NCKAP5: variants seen among roughly 807,000 people sequenced by gnomAD.
NCKAP5 encodes NCK associated protein 5.
In NCKAP5, 92 loss-of-function variants were observed where a neutral mutation model predicts 167.0. The observed-to-expected ratio is 0.55, with a 90% confidence interval of 0.47 to 0.66. The LOEUF (loss-of-function observed/expected upper bound fraction) is 0.66. NCKAP5 is among the 30% of genes least tolerant of loss of function. NCKAP5 has a pLI of 0.00. For missense variants in NCKAP5, 2,378 were observed against 2,315.0 expected, an observed-to-expected ratio of 1.03 and a Z score of -0.56; for synonymous variants, 891 against 877.4, an observed-to-expected ratio of 1.02 and a Z score of -0.27.
chr2:133,662,988 C>G, the NCKAP5 span, among the ~76,000 whole-genome samples: 1 of 151,930 alleles, frequency 6.6e-6, no homozygotes. Context: ...ATGCCGGGGC[C>G]GGGCGCGGTG....
chr2:133,628,723 T>G, the NCKAP5 span, among the ~76,000 whole-genome samples: 1 of 152,182 alleles, frequency 6.6e-6, no homozygotes, highest in African/African-American at 2.4e-5. Context: ...GGCATCAAAC[T>G]ACCTGACTTC....
chr2:133,611,775 T>C, the NCKAP5 span, among the ~76,000 whole-genome samples: 1 of 152,194 alleles, frequency 6.6e-6, no homozygotes, highest in Non-Finnish European at 1.5e-5. Flanking sequence ...CTCTCCCCTA[T>C]TAAACCCCCT....
intron 3 of NCKAP5, among the ~76,000 whole-genome samples, chr2:133,368,878 A>T (rs1335156509): frequency 6.6e-6 from 1 of 152,220 alleles, no homozygotes; most frequent in Non-Finnish European, 1.5e-5. Flanking sequence ...AATTCAGAGG[A>T]GTAGAAGATA....
At chr2:133,640,482 G>T in the NCKAP5 span, among the ~76,000 whole-genome samples, 1 of 152,126 alleles carries the variant, frequency 6.6e-6, no homozygotes, top group Non-Finnish European at 1.5e-5. Context: ...AATGACATCT[G>T]GACTAGGGAG....
intron 5 of NCKAP5, among the ~76,000 whole-genome samples, chr2:133,135,590 A>C (rs71413538): frequency 6.6e-6 from 1 of 152,044 alleles, no homozygotes; most frequent in South Asian, 2.1e-4. Context: ...ATAGAATGGG[A>C]AAACATTTAT....
At chr2:133,326,422 A>T (rs111770949) in intron 3 of NCKAP5, among the ~76,000 whole-genome samples, 2,426 of 144,526 alleles carry the variant, frequency 0.017, 77 homozygotes, top group African/African-American at 0.06. Flanking sequence ...CCACTACTGC[A>T]CTCCAGCCTG....
chr2:133,314,131 C>G (rs538305365), intron 3 of NCKAP5, among the ~76,000 whole-genome samples: 8 of 152,158 alleles, frequency 5.3e-5, no homozygotes, highest in Non-Finnish European at 7.3e-5. Flanking sequence ...TCTCCCATTA[C>G]TCCCCAAAGC....
the NCKAP5 span, among the ~76,000 whole-genome samples, chr2:133,616,322 AG>A: frequency 6.6e-5 from 10 of 151,698 alleles, no homozygotes; most frequent in Non-Finnish European, 1.0e-4. Flanking sequence ...TGAAGGAAAT[AG>A]AGACACAAAA....
the NCKAP5 span, among the ~76,000 whole-genome samples, chr2:133,629,448 C>A: frequency 6.6e-6 from 1 of 152,100 alleles, no homozygotes; most frequent in African/African-American, 2.4e-5. Flanking sequence ...TCATGCCAGT[C>A]AGAATGGTGA....
chr2:132,875,746 C>T (rs1374741), intron 9 of NCKAP5, among the ~76,000 whole-genome samples: 1 of 152,108 alleles, frequency 6.6e-6, no homozygotes, highest in African/African-American at 2.4e-5. Flanking sequence ...TTCTAACATG[C>T]AAACCTCCAA....
intron 16 of NCKAP5, among the ~76,000 whole-genome samples, chr2:132,773,541 A>T (rs997305457): frequency 6.6e-6 from 1 of 152,226 alleles, no homozygotes; most frequent in Non-Finnish European, 1.5e-5. Context: ...TAGAAACTGG[A>T]TTACTCAGTA....
rs1688698085 is a variant in NCKAP5, at chr2:133,568,113, G to A, written c.-130+103C>T. The stretch of plus-strand genomic sequence containing the variant: ...TTGCTGTGACAGCCGAAAGAGCCTG[G>A]AGAAATATGTAAACATCATCATCTC... On this transcript the variant is annotated intron_variant, in intron 1 of 19. Coordinates refer to ENST00000409261, the MANE Select transcript of NCKAP5 (RefSeq NM_207363.3). 5 of 152,038 alleles carry A rather than the reference G, an allele frequency of 3.3e-5. 1 individual carries two copies. In the South Asian group the frequency reaches 1.0e-3, roughly 32 times the overall value. The allele number at this position is 152,038 out of a possible 1,614,324, so 9.4% of individuals were successfully genotyped here. A position where few individuals can be genotyped will look rare whatever the true frequency, so the allele number is the denominator to read the frequency against.
intron 6 of NCKAP5, among the ~76,000 whole-genome samples, chr2:133,115,839 C>CACACACACACACACAT (rs2082063421): frequency 6.8e-6 from 1 of 146,014 alleles, no homozygotes; most frequent in Admixed American, 6.9e-5. Context: ...CACACACACA[C>CACACACACACACACAT]ACACGCCCTT....
At chr2:133,208,631 G>GA (rs1574384953) in intron 5 of NCKAP5, among the ~76,000 whole-genome samples, 1 of 152,136 alleles carries the variant, frequency 6.6e-6, no homozygotes, top group East Asian at 1.9e-4. Flanking sequence ...TCCTGGAGCA[G>GA]AAAAAGGACA....
intron 3 of NCKAP5, among the ~76,000 whole-genome samples, chr2:133,464,833 T>C (rs982254319): frequency 4.5e-4 from 69 of 151,894 alleles, no homozygotes; most frequent in African/African-American, 1.5e-3. Flanking sequence ...AGACTTCAAC[T>C]TAAGAAGAGA....
At chr2:132,807,465 GC>G (rs1685528090) in intron 11 of NCKAP5, among the ~76,000 whole-genome samples, 1 of 151,956 alleles carries the variant, frequency 6.6e-6, no homozygotes, top group Non-Finnish European at 1.5e-5. Context: ...CCTTGTAGAG[GC>G]CTTTTGACCC....
intron 4 of NCKAP5, among the ~76,000 whole-genome samples, chr2:133,294,570 A>C (rs981502697): frequency 1.3e-5 from 2 of 152,230 alleles, no homozygotes; most frequent in African/African-American, 4.8e-5. Context: ...CTCTCTCTCA[A>C]TTTAGAGCTG....
At position 133,128,738 on chromosome 2, in the gene NCKAP5, C is replaced by T. The variant is rs141642007; in HGVS notation, c.341+1240G>A. On this transcript the variant is annotated intron_variant, in intron 6 of 19. Coordinates refer to ENST00000409261, the MANE Select transcript of NCKAP5 (RefSeq NM_207363.3). ...TCAGCCTCCCGAGTAGCTGGGAATA[C>T]AGGCACCTGCCATCATGCCCGGCTA... Among the ~76,000 whole-genome samples, 877 of 152,192 alleles carry T rather than the reference C, an allele frequency of 5.8e-3. 14 individuals are homozygous for T. The highest frequency in any genetic ancestry group is 0.018 in the East Asian group (92 of 5,172).
intron 6 of NCKAP5, among the ~76,000 whole-genome samples, chr2:133,107,072 T>G (rs1162975862): frequency 2.6e-4 from 39 of 152,110 alleles, no homozygotes. Context: ...AAAAAGTCAT[T>G]TTTACATCAT....
Sources: gnomAD v4.1 joint callset for allele counts (sites outside exome capture counted in the v4.1 genomes callset) on GRCh38, gnomAD v4.1.1 for gene constraint, MANE v1.5 for transcripts, NCBI Gene and HGNC (gene_info 2026-07-23, HGNC 2026-07-21) for gene names.